Variants in CLCA4 observed in about 807,000 individuals in gnomAD.
CLCA4 encodes the protein chloride channel accessory 4.
A neutral mutation model predicts 78.9 loss-of-function variants in CLCA4; 69 were observed. The ratio of observed to expected loss-of-function variants is 0.87; its 90% confidence interval spans 0.72 to 1.07. The LOEUF (loss-of-function observed/expected upper bound fraction) is 1.07. CLCA4 is among the 50% of genes least tolerant of loss of function. The pLI is 0.00. For synonymous variants in CLCA4, 362 were observed against 375.8 expected (o/e 0.96, Z 0.42); for missense variants, 1,133 against 1,095.8 (o/e 1.03, Z -0.48).
chr1:86,563,243 T>TATAC (rs1483371782), intron 3 of CLCA4, among the ~76,000 whole-genome samples: 2 of 151,374 alleles, frequency 1.3e-5, no homozygotes, highest in African/African-American at 4.8e-5. Flanking sequence ...AATATATATA[T>TATAC]ATAATTAAAA....
rs35154795 is a variant in CLCA4, at chr1:86,577,333, CT to C, written c.1952-566del. Among the ~76,000 whole-genome samples the C allele has an allele frequency of 2.0e-5, 3 of 152,116 alleles. No homozygotes were observed. The East Asian group carries it at 5.8e-4, about 30-fold the overall frequency. Reference sequence around the variant, plus strand: ...CAAATGTCTTTAGTCTGCAGACAAACTTTAGTATGCAAAGGAATCATCTCGA... The same window carrying C: ...CAAATGTCTTTAGTCTGCAGACAAACTTAGTATGCAAAGGAATCATCTCGA... On this transcript the variant is annotated intron_variant, in intron 11 of 13. Transcript: ENST00000370563.
At chr1:86,559,838 C>T (rs535376404) in intron 1 of CLCA4, 94 bp from the exon 2 acceptor site, 9 of 953,138 alleles carry the variant, frequency 9.4e-6, no homozygotes, top group Non-Finnish European at 1.5e-5. Flanking sequence ...GCTTTTCTGT[C>T]CACTCTTAAG....
Position 86,579,495 on chromosome 1 carries a change from C to A in CLCA4, c.2264C>A (p.Pro755Gln). The A allele has an allele frequency of 6.2e-7, 1 of 1,613,190 alleles. No individual in the cohort carries two copies. Among genetic ancestry groups the A allele is most frequent in the South Asian group, 1.1e-5 (1 of 91,078 alleles). Residue 755 changes from proline (P) to glutamine (Q), a missense_variant, in exon 13 of 14, where the codon CCA becomes CAA. Transcript: ENST00000370563. Reference sequence around the variant, plus strand: ...CTTCCCTTGCCTGACCAATACCCACCAAGTCAAATCACAGACCTTGATGCC... The same window carrying A: ...CTTCCCTTGCCTGACCAATACCCACAAAGTCAAATCACAGACCTTGATGCC... ...PSLPLPDQYP[P>Q]SQITDLDATV...
chr1:86,567,482 T>G lies in CLCA4; in HGVS notation c.1013T>G (p.Val338Gly). ...GCAAAACATTTCCTGCTGCAGACTGTTGAAAATGGATCCTGGGTGGGGATG... is the reference window on the plus strand; with the variant it reads ...GCAAAACATTTCCTGCTGCAGACTGGTGAAAATGGATCCTGGGTGGGGATG... The part of the protein sequence containing the change: ...QAAKHFLLQT[V>G]ENGSWVGMVH... Residue 338 changes from valine (V) to glycine (G), a missense_variant, in exon 7 of 14, where the codon GTT (valine) becomes GGT (glycine). Val to Gly is a moderately radical substitution (Grantham distance 109). Transcript: ENST00000370563. 1 of 1,613,368 alleles carries G rather than the reference T, an allele frequency of 6.2e-7. No homozygotes were observed. The highest frequency in any genetic ancestry group is 8.5e-7 in the Non-Finnish European group (1 of 1,179,486).
At position 86,564,108 on chromosome 1, in the gene CLCA4, G is replaced by A. The variant is rs181458614; in HGVS notation, c.557+339G>A. ...CACAAGAATGCACAAACATGGTTAA[G>A]TAGTGCTAAATGTGGACTGAGTAAG... On this transcript the variant is annotated intron_variant, in intron 4 of 13. Transcript: ENST00000370563. Among the ~76,000 whole-genome samples the A allele has an allele frequency of 5.6e-3, 846 of 152,218 alleles. 10 individuals carry two copies. The highest frequency in any genetic ancestry group is 0.014 in the Middle Eastern group (4 of 294).
intron 11 of CLCA4, 146 bp from the exon 12 acceptor site, chr1:86,577,756 C>A (rs942749467): frequency 3.2e-6 from 2 of 629,526 alleles, no homozygotes; most frequent in African/African-American, 3.7e-5. Flanking sequence ...ATTGTTTTGG[C>A]AGAATATAAT....
intron 1 of CLCA4, among the ~76,000 whole-genome samples, chr1:86,558,019 T>G (rs1171034287): frequency 6.6e-6 from 1 of 152,156 alleles, no homozygotes; most frequent in Non-Finnish European, 1.5e-5. Flanking sequence ...ACCCCTGCTT[T>G]TTTCTGCTTT....
rs950747368 is a variant in CLCA4 at position 86,553,303 on chromosome 1, G to T, written c.159+6025G>T. The T allele has an allele frequency of 1.9e-5, 13 of 679,976 alleles. No homozygotes were observed. The African/African-American group carries it at 2.4e-4, about 12-fold the overall frequency. 42.1% of individuals were successfully genotyped at this position (679,976 alleles called of 1,614,324 possible). Reference sequence around the variant, plus strand: ...GCCAGGGCTCCCTCCACGTCTTCCTGGTGGCCAACACGTTTCCCCTTCAGT... The same window carrying T: ...GCCAGGGCTCCCTCCACGTCTTCCTTGTGGCCAACACGTTTCCCCTTCAGT... On this transcript the variant is annotated intron_variant, in intron 1 of 13. Coordinates refer to ENST00000370563, the MANE Select transcript of CLCA4 (RefSeq NM_012128.4).
Position 86,571,390 on chromosome 1 carries a change from G to A in CLCA4, c.1360+136G>A, listed in dbSNP as rs938544777. 39 of 709,036 alleles carry A rather than the reference G, an allele frequency of 5.5e-5. No homozygotes were observed. In the East Asian group the frequency reaches 1.1e-3, roughly 19 times the overall value. 43.9% of individuals were successfully genotyped at this position (709,036 alleles called of 1,614,324 possible). On this transcript the variant is annotated intron_variant, in intron 8 of 13. Coordinates refer to ENST00000370563, the MANE Select transcript of CLCA4 (RefSeq NM_012128.4). Reference sequence around the variant, plus strand: ...ACCAGACCCAATCTCTGTTCTCGTGGCACTTGGAGTCCAGTTGGCTGGAGA... The same window carrying A: ...ACCAGACCCAATCTCTGTTCTCGTGACACTTGGAGTCCAGTTGGCTGGAGA...
intron 1 of CLCA4, chr1:86,553,226 G>A (rs1649718142): frequency 8.9e-7 from 1 of 1,125,144 alleles, no homozygotes; most frequent in African/African-American, 1.5e-5. Flanking sequence ...CCAGGGACAT[G>A]TCCAAGAGGG....
At chr1:86,576,778 CA>C (rs1650535660) in intron 11 of CLCA4, among the ~76,000 whole-genome samples, 1 of 152,006 alleles carries the variant, frequency 6.6e-6, no homozygotes, top group Admixed American at 6.6e-5. Flanking sequence ...ACTGGGGCAT[CA>C]GATACCAGGT....
chr1:86,575,612 T>C lies in CLCA4; in HGVS notation c.1951+13T>C, dbSNP rs1183726959. On this transcript the variant is annotated intron_variant, in intron 11 of 13. Coordinates refer to ENST00000370563, the MANE Select transcript of CLCA4 (RefSeq NM_012128.4). ...GATAATGGTGCAGGTAATTCACAGG[T>C]TTTTATGAATAAGCCAATATTTTCC... is the stretch of plus-strand genomic sequence containing the variant. The C allele has an allele frequency of 2.5e-6, 4 of 1,606,928 alleles. No individual in the cohort carries two copies. Among genetic ancestry groups the C allele is most frequent in the East Asian group, 2.2e-5 (1 of 44,768 alleles).
rs1176882859 is a variant in CLCA4, at chr1:86,567,410, T to A, written c.955-14T>A. ...CAAAATCACTTGTTTGTTTTTCTTG[T>A]CTTTTTAATCTAGGGTAAGGACCGC... On this transcript the variant is annotated splice_polypyrimidine_tract_variant and intron_variant, in intron 6 of 13. Transcript: ENST00000370563. 6.4e-7 allele frequency: 1 copy of A among 1,573,290 alleles called. No individual in the cohort carries two copies. The highest frequency in any genetic ancestry group is 8.6e-7 in the Non-Finnish European group (1 of 1,157,870).
In CLCA4 at chr1:86,566,016, T is replaced by C. The variant is rs763272861; in HGVS notation, c.950T>C (p.Met317Thr). 3 of 1,611,238 alleles carry C rather than the reference T, an allele frequency of 1.9e-6. No homozygotes were observed. Among genetic ancestry groups the C allele is most frequent in the Non-Finnish European group, 1.7e-6 (2 of 1,178,074 alleles). The change falls in exon 6 of 14, where the codon ATG (methionine) becomes ACG (threonine). Residue 317 changes from methionine (M) to threonine (T), a missense_variant. By Grantham distance (81) the Met-to-Thr change is moderately conservative. Coordinates refer to ENST00000370563, the MANE Select transcript of CLCA4 (RefSeq NM_012128.4). ...TTAGTTCTTGATAAGTCTGGAAGCATGGGGGTAAGATCACTTTTTCTGGAT... is the reference window on the plus strand; with the variant it reads ...TTAGTTCTTGATAAGTCTGGAAGCACGGGGGTAAGATCACTTTTTCTGGAT... ...VCLVLDKSGS[M>T]GGKDRLNRMN...
rs999030236 is a variant in CLCA4 at position 86,571,240 on chromosome 1, T to C, written c.1346T>C (p.Met449Thr). The change falls in exon 8 of 14, where the codon ATG becomes ACG. Residue 449 changes from methionine (M) to threonine (T), a missense_variant. Physicochemically the swap from Met to Thr is moderately conservative, Grantham distance 81. Transcript: ENST00000370563. ...GRAADEAVIE[M>T]SKITGGSHFY... ...GCTGCTGATGAAGCAGTAATAGAGATGAGCAAGATAACAGGTAAAACACGA... is the reference window on the plus strand; with the variant it reads ...GCTGCTGATGAAGCAGTAATAGAGACGAGCAAGATAACAGGTAAAACACGA... 3.7e-6 allele frequency: 6 copies of C among 1,611,478 alleles called. No homozygotes were observed. The highest frequency in any genetic ancestry group is 5.1e-6 in the Non-Finnish European group (6 of 1,178,342).
Position 86,580,221 on chromosome 1 carries a change from C to A in CLCA4, c.2636C>A (p.Pro879His). ...QANPDDIDPT[P>H]TPTPTPTPDK... is the part of the protein sequence containing the mutation. ...AATCCTGATGACATTGATCCTACAC[C>A]TACTCCTACTCCTACTCCTACTCCT... is the stretch of plus-strand genomic sequence containing the variant. Residue 879 changes from proline (P) to histidine (H), a missense_variant, in exon 14 of 14, where the codon CCT (proline) becomes CAT (histidine). Transcript: ENST00000370563. The A allele has an allele frequency of 6.4e-7, 1 of 1,564,914 alleles. No individual in the cohort carries two copies. Among genetic ancestry groups the A allele is most frequent in the Non-Finnish European group, 8.6e-7 (1 of 1,168,386 alleles).
chr1:86,550,474 C>T (rs1271164787), intron 1 of CLCA4, among the ~76,000 whole-genome samples: 1 of 152,044 alleles, frequency 6.6e-6, no homozygotes, highest in Non-Finnish European at 1.5e-5. Flanking sequence ...TACAGGCATG[C>T]CCAGATTTTA....
intron 2 of CLCA4, 44 bp downstream of exon 2, chr1:86,560,116 T>G: frequency 1.9e-6 from 3 of 1,554,060 alleles, no homozygotes; most frequent in Middle Eastern, 1.7e-4. Context: ...TTTTCTGATA[T>G]TAACCATTTT....
chr1:86,562,871 A>G (rs1650066556), intron 3 of CLCA4, among the ~76,000 whole-genome samples: 1 of 147,128 alleles, frequency 6.8e-6, no homozygotes, highest in African/African-American at 2.5e-5. Flanking sequence ...AAAAAAAAAA[A>G]GAAGAAGAAA....
Sources: gnomAD v4.1 joint callset for allele counts (sites outside exome capture counted in the v4.1 genomes callset) on GRCh38, gnomAD v4.1.1 for gene constraint, MANE v1.5 for transcripts, NCBI Gene and HGNC (gene_info 2026-07-23, HGNC 2026-07-21) for gene names.